Variants in LDB2 observed in about 807,000 individuals in gnomAD.
LDB2 encodes the protein LIM domain-binding protein 2.
LDB2 carries 12 observed loss-of-function variants against 44.3 expected under a neutral mutation model. The observed-to-expected ratio is 0.27, with a 90% CI of 0.17 to 0.44. The LOEUF (loss-of-function observed/expected upper bound fraction) is 0.44. Among genes scored for constraint, LDB2 ranks in the 20% least tolerant of loss-of-function variants. The probability of loss-of-function intolerance (pLI) is 1.00; values close to 1 mark genes in which losing one functional copy is unlikely to be tolerated. For missense variants in LDB2, 344 were observed against 473.5 expected (o/e 0.73, Z 2.54); for synonymous variants, 164 against 174.8 (o/e 0.94, Z 0.49).
intron 5 of LDB2, among the ~76,000 whole-genome samples, chr4:16,545,772 C>T (rs1031971502): frequency 6.6e-6 from 1 of 152,200 alleles, no homozygotes; most frequent in Non-Finnish European, 1.5e-5. Flanking sequence ...CCCCTACCGG[C>T]TTATTCCCAA....
chr4:16,842,861 T>C (rs776370558), intron 1 of LDB2, among the ~76,000 whole-genome samples: 1 of 152,224 alleles, frequency 6.6e-6, no homozygotes, highest in Non-Finnish European at 1.5e-5. Flanking sequence ...CCCATTTTCC[T>C]GACTTGTGAT....
intron 5 of LDB2, among the ~76,000 whole-genome samples, chr4:16,571,960 AGAC>A (rs1184646830): frequency 6.6e-6 from 1 of 152,218 alleles, no homozygotes; most frequent in Non-Finnish European, 1.5e-5. Flanking sequence ...TGCTAGGGAC[AGAC>A]GATGAGGCCA....
intron 2 of LDB2, among the ~76,000 whole-genome samples, chr4:16,638,576 T>G (rs1734256447): frequency 6.6e-6 from 1 of 152,228 alleles, no homozygotes; most frequent in African/African-American, 2.4e-5. Flanking sequence ...TGGGATCCAG[T>G]GTGTCAACAC....
At chr4:16,594,075 T>C (rs1361101996) in intron 3 of LDB2, among the ~76,000 whole-genome samples, 1 of 144,284 alleles carries the variant, frequency 6.9e-6, no homozygotes, top group African/African-American at 2.6e-5. Context: ...AAGTTTTTAA[T>C]TTAATTATCA....
intron 5 of LDB2, among the ~76,000 whole-genome samples, chr4:16,569,487 T>C (rs16893650): frequency 0.081 from 12,268 of 152,196 alleles, 601 homozygotes; most frequent in East Asian, 0.22. Context: ...CTGAGGAGCA[T>C]AGACATAAGT....
intron 2 of LDB2, among the ~76,000 whole-genome samples, chr4:16,709,064 T>C (rs978163872): frequency 6.7e-6 from 1 of 148,654 alleles, no homozygotes; most frequent in African/African-American, 2.5e-5. Flanking sequence ...CAGGCTTGGG[T>C]AGAAGTCTCT....
At chr4:16,711,927 G>A (rs898270466) in intron 2 of LDB2, among the ~76,000 whole-genome samples, 5 of 152,112 alleles carry the variant, frequency 3.3e-5, no homozygotes, top group African/African-American at 1.2e-4. Flanking sequence ...TACATCAAAT[G>A]TAATAATAAA....
At chr4:16,878,612 T>C (rs1366807448) in intron 1 of LDB2, among the ~76,000 whole-genome samples, 1 of 152,200 alleles carries the variant, frequency 6.6e-6, no homozygotes, top group African/African-American at 2.4e-5. Flanking sequence ...CCATTACTTT[T>C]AGAATTAAAA....
At chr4:16,622,570 T>C (rs1729188562) in intron 2 of LDB2, among the ~76,000 whole-genome samples, 1 of 152,198 alleles carries the variant, frequency 6.6e-6, no homozygotes, top group South Asian at 2.1e-4. Context: ...ATGAAAAGCT[T>C]TAAAGTTCAG....
At chr4:16,709,907 C>G (rs1215991652) in intron 2 of LDB2, among the ~76,000 whole-genome samples, 1 of 152,262 alleles carries the variant, frequency 6.6e-6, no homozygotes, top group East Asian at 1.9e-4. Context: ...CGCATCCATA[C>G]ACCCCTAGAG....
At chr4:16,577,153 T>A (rs1260796282) in intron 5 of LDB2, among the ~76,000 whole-genome samples, 3 of 152,154 alleles carry the variant, frequency 2.0e-5, no homozygotes, top group Non-Finnish European at 4.4e-5. Context: ...TTTAGTCTTT[T>A]CTTTAAGATA....
intron 2 of LDB2, among the ~76,000 whole-genome samples, chr4:16,717,110 T>C (rs752374472): frequency 1.3e-5 from 2 of 151,674 alleles, no homozygotes; most frequent in Non-Finnish European, 2.9e-5. Flanking sequence ...GAAGATAAAA[T>C]CCATCCATAG....
At chr4:16,870,552 G>C (rs1402526703) in intron 1 of LDB2, among the ~76,000 whole-genome samples, 1 of 151,922 alleles carries the variant, frequency 6.6e-6, no homozygotes, top group African/African-American at 2.4e-5. Flanking sequence ...TCTCTGATCT[G>C]GCCTCACCAT....
chr4:16,587,988 A>T (rs1717603304), intron 4 of LDB2, among the ~76,000 whole-genome samples: 1 of 152,160 alleles, frequency 6.6e-6, no homozygotes, highest in Admixed American at 6.5e-5. Context: ...AATTAGGCTT[A>T]TGAAGTTTGA....
rs1491271485 is a variant in LDB2 at position 16,766,466 on chromosome 4, A to ATGTGTG, written c.133-7207_133-7206insCACACA. The stretch of plus-strand genomic sequence containing the variant: ...TGTGTGTATATATATACACACACAT[A>ATGTGTG]TATGTGTGTGTGTGTGTGTGTGTGT... On this transcript the variant is annotated intron_variant, in intron 1 of 7. Transcript: ENST00000304523. Among the ~76,000 whole-genome samples the ATGTGTG allele has an allele frequency of 8.3e-4, 51 of 61,208 alleles. 1 individual carries two copies. Among genetic ancestry groups the ATGTGTG allele is most frequent in the African/African-American group, 2.4e-3 (45 of 18,734 alleles). 40.2% of individuals were successfully genotyped at this position (61,208 alleles called of 152,430 possible). A position where few individuals can be genotyped will look rare whatever the true frequency, so the allele number is the denominator to read the frequency against.
At chr4:16,790,821 A>C (rs1775546472) in intron 1 of LDB2, among the ~76,000 whole-genome samples, 2 of 152,230 alleles carry the variant, frequency 1.3e-5, no homozygotes, top group Admixed American at 1.3e-4. Flanking sequence ...ACTTTCAGGT[A>C]TGAACCAGAA....
intron 5 of LDB2, among the ~76,000 whole-genome samples, chr4:16,551,644 A>G (rs1324586628): frequency 5.3e-5 from 8 of 151,960 alleles, no homozygotes; most frequent in Admixed American, 5.2e-4. Flanking sequence ...CAGCCTCCCA[A>G]GTAGCTGGGA....
chr4:16,639,168 T>G (rs1734461626), intron 2 of LDB2, among the ~76,000 whole-genome samples: 1 of 152,180 alleles, frequency 6.6e-6, no homozygotes, highest in South Asian at 2.1e-4. Context: ...CCCTGAATGA[T>G]TATATGTAGA....
intron 2 of LDB2, among the ~76,000 whole-genome samples, chr4:16,630,973 C>A (rs1731765046): frequency 6.6e-6 from 1 of 152,054 alleles, no homozygotes; most frequent in Admixed American, 6.6e-5. Flanking sequence ...ACTTAGACTC[C>A]CACACAATAA....
Sources: gnomAD v4.1 joint callset for allele counts (sites outside exome capture counted in the v4.1 genomes callset) on GRCh38, gnomAD v4.1.1 for gene constraint, MANE v1.5 for transcripts, NCBI Gene and HGNC (gene_info 2026-07-23, HGNC 2026-07-21) for gene names.